Variants in POLD1 observed in about 807,000 individuals in gnomAD.
The protein encoded by POLD1 is DNA polymerase delta catalytic subunit.
In POLD1, 79 loss-of-function variants were observed where a neutral mutation model predicts 129.7. The ratio of observed to expected loss-of-function variants is 0.61; its 90% CI spans 0.51 to 0.73. The LOEUF is 0.73. Ranked by LOEUF, POLD1 falls within the 30% of genes least tolerant of loss-of-function variation. The pLI is 0.00. For synonymous variants in POLD1, 714 were observed against 683.3 expected (o/e 1.04, Z -0.70); for missense variants, 1,338 against 1,595.8 (o/e 0.84, Z 2.75).
intron 1 of POLD1, among the ~76,000 whole-genome samples, chr19:50,391,435 T>C (rs2038164318): frequency 6.6e-6 from 1 of 152,154 alleles, no homozygotes; most frequent in Non-Finnish European, 1.5e-5. Context: ...CGAGACTCCG[T>C]CTGCAATCCC....
Position 50,401,736 on chromosome 19 carries a change from C to T in POLD1, c.317-42C>T, listed in dbSNP as rs3219374. The T allele has an allele frequency of 4.0e-3, 6,435 of 1,605,562 alleles. 216 individuals carry two copies. In the African/African-American group the frequency reaches 0.072, roughly 18 times the overall value. On this transcript the variant is annotated intron_variant, in intron 3 of 26. Coordinates refer to ENST00000440232, the MANE Select transcript of POLD1 (RefSeq NM_002691.4). ...GGCTGTGGAGACACACCTTGGAGGACCCTGAGAGGCATGGCCGCTGTCTTA... is the reference window on the plus strand; with the variant it reads ...GGCTGTGGAGACACACCTTGGAGGATCCTGAGAGGCATGGCCGCTGTCTTA...
chr19:50,417,680 C>G (rs1302033167), intron 26 of POLD1, among the ~76,000 whole-genome samples, 162 bp from the exon 27 acceptor site: 3 of 100,670 alleles, frequency 3.0e-5, no homozygotes, highest in African/African-American at 2.0e-4. Context: ...CTCCCCCCCC[C>G]CACCCCCCCC....
chr19:50,398,989 A>C lies in POLD1; in HGVS notation c.138A>C (p.Ala46=), dbSNP rs1601189274. The C allele has an allele frequency of 1.3e-6, 2 of 1,570,266 alleles. No individual in the cohort carries two copies. The highest frequency in any genetic ancestry group is 1.7e-6 in the Non-Finnish European group (2 of 1,157,538). ...EDLALMEEME[A]EHRLQEQEEE... ...TGGCACTGATGGAGGAGATGGAGGC[A>C]GAACACAGGCTGCAGGAGCAGGAGG... is the stretch of plus-strand genomic sequence containing the variant. The change falls in exon 2 of 27, where the codon GCA becomes GCC. Residue 46 remains alanine (A), a synonymous_variant. Transcript: ENST00000440232.
chr19:50,395,837 C>T (rs1055401565), intron 1 of POLD1, among the ~76,000 whole-genome samples: 2 of 150,606 alleles, frequency 1.3e-5, no homozygotes, highest in South Asian at 2.1e-4. Flanking sequence ...TTAAGTTTAA[C>T]CTGCATATAA....
chr19:50,395,002 ATTTT>A (rs113163456), intron 1 of POLD1: 3 of 133,406 alleles, frequency 2.2e-5, no homozygotes, highest in Non-Finnish European at 3.3e-5. Context: ...TGCCCAGCTA[ATTTT>A]TTTTTTTTTT....
chr19:50,391,597 T>A (rs111748973), intron 1 of POLD1, among the ~76,000 whole-genome samples: 7,905 of 147,008 alleles, frequency 0.054, 688 homozygotes, highest in African/African-American at 0.19. Flanking sequence ...CTCAGCAGGC[T>A]GAGGCAGGAG....
chr19:50,403,933 CATA>C (rs2038767301), intron 10 of POLD1, among the ~76,000 whole-genome samples: 1 of 152,076 alleles, frequency 6.6e-6, no homozygotes, highest in African/African-American at 2.4e-5. Flanking sequence ...GGAAAAGAAT[CATA>C]ATGGAGGAGG....
chr19:50,399,613 C>T, intron 3 of POLD1, 129 bp downstream of exon 3: 1 of 675,254 alleles, frequency 1.5e-6, no homozygotes, highest in Non-Finnish European at 2.7e-6. Context: ...CTGGCTCTGC[C>T]CCTCTGGTTG....
In POLD1 at chr19:50,402,189, CT is replaced by C. The variant is rs1291533414; in HGVS notation, c.590-14del. ...TCGGGAGGCCATTGGCTGGTCCCAG[CT>C]TCTTCCATCCACAGGCATGTTTGGG... is the stretch of plus-strand genomic sequence containing the variant. On this transcript the variant is annotated splice_polypyrimidine_tract_variant and intron_variant, in intron 5 of 26. Coordinates refer to ENST00000440232, the MANE Select transcript of POLD1 (RefSeq NM_002691.4). 6.3e-7 allele frequency: 1 copy of C among 1,584,150 alleles called. No individual in the cohort carries two copies. The highest frequency in any genetic ancestry group is 1.3e-5 in the African/African-American group (1 of 74,512).
rs3219445 is a variant in POLD1, at chr19:50,416,843, T to C, written c.3067+120T>C. On this transcript the variant is annotated intron_variant, in intron 24 of 26. Coordinates refer to ENST00000440232, the MANE Select transcript of POLD1 (RefSeq NM_002691.4). The stretch of plus-strand genomic sequence containing the variant: ...ACCCAGTGGGCCCAGGGCCCCTGGG[T>C]GGGTGGCCCCTGTCTCCACCCCCCA... 24,776 of 952,052 alleles carry C rather than the reference T, an allele frequency of 0.026. 2,815 individuals carry two copies. In the African/African-American group the frequency reaches 0.29, roughly 11 times the overall value. 59.0% of individuals were successfully genotyped at this position (952,052 alleles called of 1,614,324 possible). A position where few individuals can be genotyped will look rare whatever the true frequency, so the allele number is the denominator to read the frequency against.
In POLD1 at chr19:50,407,074, T is replaced by G; in HGVS notation, c.1586T>G (p.Leu529Arg). 1 of 1,613,858 alleles carries G rather than the reference T, an allele frequency of 6.2e-7. No individual in the cohort carries two copies. The highest frequency in any genetic ancestry group is 8.5e-7 in the Non-Finnish European group (1 of 1,180,012). The part of the protein sequence containing the change: ...PLRLLERLMV[L>R]VNAVEMARVT... Reference sequence around the variant, plus strand: ...CGGCTGCTGGAGCGGCTCATGGTGCTGGTGAACGCCGTGGAGATGGCGAGG... The same window carrying G: ...CGGCTGCTGGAGCGGCTCATGGTGCGGGTGAACGCCGTGGAGATGGCGAGG... The change falls in exon 13 of 27, where the codon CTG (leucine) becomes CGG (arginine). Residue 529 changes from leucine (L) to arginine (R), a missense_variant. Leu to Arg is a moderately radical substitution (Grantham distance 102). Transcript: ENST00000440232.
chr19:50,414,830 C>G lies in POLD1; in HGVS notation c.2404C>G (p.Leu802Val). The G allele has an allele frequency of 6.3e-7, 1 of 1,583,020 alleles. No individual in the cohort carries two copies. The highest frequency in any genetic ancestry group is 8.6e-7 in the Non-Finnish European group (1 of 1,161,436). ...TCCCTCCCAGGTCTACTTCCCATAC[C>G]TGCTTATCAGCAAGAAGCGCTACGC... ...LEFEKVYFPY[L>V]LISKKRYAGL... Residue 802 changes from leucine (L) to valine (V), a missense_variant, in exon 20 of 27, where the codon CTG (leucine) becomes GTG (valine). Physicochemically the swap from Leu to Val is conservative, Grantham distance 32. Around this residue, in one of 3 missense-constraint regions of POLD1, gnomAD observed 720 missense variants for 1,002.6 expected, o/e 0.72. Coordinates refer to ENST00000440232, the MANE Select transcript of POLD1 (RefSeq NM_002691.4).
At position 50,413,784 on chromosome 19, in the gene POLD1, G is replaced by A. The variant is rs759190487; in HGVS notation, c.2293G>A (p.Val765Met). The change falls in exon 19 of 27, where the codon GTG becomes ATG. Residue 765 changes from valine to methionine, a missense_variant. Around this residue, in one of 3 missense-constraint regions of POLD1, gnomAD observed 720 missense variants for 1,002.6 expected, o/e 0.72. Coordinates refer to ENST00000440232, the MANE Select transcript of POLD1 (RefSeq NM_002691.4). ...TGACTCCGTCATGTGCCGATTCGGC[G>A]TGTCCTCGGTGGCTGAGGCGATGGC... ...DTDSVMCRFG[V>M]SSVAEAMALG... 58 of 1,611,740 alleles carry A rather than the reference G, an allele frequency of 3.6e-5. No homozygotes were observed. The highest frequency in any genetic ancestry group is 1.6e-4 in the Middle Eastern group (1 of 6,076).
At chr19:50,403,640 G>A in intron 10 of POLD1, 43 bp downstream of exon 10, 8 of 1,307,146 alleles carry the variant, frequency 6.1e-6, no homozygotes, top group Middle Eastern at 1.8e-4. Context: ...GATGCCCCAG[G>A]TGTGGCCTCC....
At chr19:50,404,264 CTT>C (rs1174508532) in intron 10 of POLD1, among the ~76,000 whole-genome samples, 10 of 143,402 alleles carry the variant, frequency 7.0e-5, no homozygotes, top group Admixed American at 2.8e-4. Context: ...CATGTCCTCC[CTT>C]TTTTTTTTTT....
chr19:50,387,643 C>T (rs975862330), intron 1 of POLD1: 6 of 152,862 alleles, frequency 3.9e-5, no homozygotes, highest in East Asian at 1.9e-4. Flanking sequence ...CAGTCAGCTC[C>T]TTCCTTCCTC....
chr19:50,405,655 C>T (rs967047054), intron 10 of POLD1, among the ~76,000 whole-genome samples: 14 of 152,160 alleles, frequency 9.2e-5, no homozygotes, highest in African/African-American at 3.1e-4. Flanking sequence ...CGCTGATGCC[C>T]GGGCCATGGT....
At chr19:50,399,075 T>C in intron 2 of POLD1, 22 bp downstream of exon 2, 1 of 1,550,560 alleles carries the variant, frequency 6.4e-7, no homozygotes. Context: ...AGTTGGAGGT[T>C]CCTGCTGCCC....
intron 1 of POLD1, among the ~76,000 whole-genome samples, chr19:50,392,598 C>T (rs2038211143): frequency 1.3e-5 from 2 of 152,300 alleles, no homozygotes; most frequent in South Asian, 4.1e-4. Context: ...CTGCCTCAGC[C>T]TCCCAAGTAG....
Sources: allele counts gnomAD v4.1 joint callset (sites outside exome capture counted in the v4.1 genomes callset), GRCh38; gene constraint gnomAD v4.1.1; regional missense constraint gnomAD v4.1.1; transcripts MANE v1.5; gene names NCBI Gene and HGNC (gene_info 2026-07-23, HGNC 2026-07-21).